Variants in CFHR5 observed in about 807,000 individuals in gnomAD.
CFHR5 encodes complement factor H related 5.
In CFHR5, 73 loss-of-function variants were observed where a neutral mutation model predicts 62.9. The ratio of observed to expected loss-of-function variants is 1.16; its 90% CI spans 0.96 to 1.41. CFHR5 has a LOEUF of 1.41. CFHR5 is among the 40% of genes most tolerant of loss of function. The pLI is 0.00. For missense variants in CFHR5, 779 were observed against 679.9 expected, an observed-to-expected ratio of 1.15 and a Z score of -1.62; for synonymous variants, 249 against 227.2, an observed-to-expected ratio of 1.10 and a Z score of -0.86.
chr1:196,977,682 T>C lies in CFHR5; in HGVS notation c.18T>C (p.Ser6=), dbSNP rs772813940. The change falls in exon 1 of 10, where the codon AGT becomes AGC. Residue 6 remains serine (S), a synonymous_variant. Transcript: ENST00000256785. MLLLF[S]VILISWVSTV... is the part of the protein sequence containing the mutation. ...TACCAAGCATGTTGCTCTTATTCAG[T>C]GTAATCCTAATCTCATGGGTATCCA... The C allele has an allele frequency of 1.9e-6, 3 of 1,613,148 alleles. No individual in the cohort carries two copies. The highest frequency in any genetic ancestry group is 2.5e-6 in the Non-Finnish European group (3 of 1,179,218).
At chr1:196,997,968 T>C (rs1654037943) in intron 6 of CFHR5, among the ~76,000 whole-genome samples, 160 bp from the exon 7 acceptor site, 1 of 152,170 alleles carries the variant, frequency 6.6e-6, no homozygotes, top group Non-Finnish European at 1.5e-5. Context: ...TTTTTTGTTT[T>C]ATTTTTTCTT....
chr1:196,986,124 T>G (rs1653674675), intron 3 of CFHR5, among the ~76,000 whole-genome samples: 1 of 152,092 alleles, frequency 6.6e-6, no homozygotes, highest in South Asian at 2.1e-4. Context: ...GTGCCTAAGG[T>G]TGAATGGTAG....
intron 3 of CFHR5, among the ~76,000 whole-genome samples, chr1:196,990,859 C>G (rs1042616621): frequency 6.6e-6 from 1 of 151,896 alleles, no homozygotes; most frequent in Non-Finnish European, 1.5e-5. Flanking sequence ...CTGCTCTTCT[C>G]GAGGAGTATT....
At chr1:196,989,931 C>A (rs1653797714) in intron 3 of CFHR5, among the ~76,000 whole-genome samples, 1 of 152,012 alleles carries the variant, frequency 6.6e-6, no homozygotes, top group Non-Finnish European at 1.5e-5. Context: ...ACCTTGTTAA[C>A]CTTTTGTCTC....
intron 9 of CFHR5, among the ~76,000 whole-genome samples, chr1:197,008,073 A>G (rs985982763): frequency 1.3e-5 from 2 of 149,726 alleles, no homozygotes; most frequent in East Asian, 1.9e-4. Flanking sequence ...AGAAGATAAC[A>G]TTGTTTTTTC....
intron 9 of CFHR5, among the ~76,000 whole-genome samples, chr1:197,005,903 T>A (rs1654276018): frequency 6.6e-6 from 1 of 152,184 alleles, no homozygotes; most frequent in South Asian, 2.1e-4. Context: ...TCTCCCAGGA[T>A]ATCATTAAAA....
chr1:196,996,630 T>C (rs997169270), intron 6 of CFHR5, among the ~76,000 whole-genome samples: 1 of 152,178 alleles, frequency 6.6e-6, no homozygotes, highest in African/African-American at 2.4e-5. Context: ...TTCATTGCTT[T>C]AACTTAGTCT....
intron 1 of CFHR5, among the ~76,000 whole-genome samples, chr1:196,981,334 C>T (rs952631886): frequency 6.6e-6 from 1 of 151,708 alleles, no homozygotes; most frequent in African/African-American, 2.4e-5. Context: ...CAAGAGTAAA[C>T]CCTAATGTAA....
intron 4 of CFHR5, among the ~76,000 whole-genome samples, chr1:196,994,656 C>T (rs1653941388): frequency 6.6e-6 from 1 of 152,082 alleles, no homozygotes; most frequent in Admixed American, 6.6e-5. Flanking sequence ...TGATTTATAC[C>T]TGCTTCAGAT....
rs1479876869 is a variant in CFHR5, at chr1:196,982,925, G to A, written c.99G>A (p.Leu33=). 2 of 1,614,032 alleles carry A rather than the reference G, an allele frequency of 1.2e-6. No individual in the cohort carries two copies. Among genetic ancestry groups the A allele is most frequent in the Non-Finnish European group, 1.7e-6 (2 of 1,179,976 alleles). Residue 33 remains leucine (L), a synonymous_variant, in exon 2 of 10, where the codon CTG becomes CTA. Coordinates refer to ENST00000256785, the MANE Select transcript of CFHR5 (RefSeq NM_030787.4). Reference sequence around the variant, plus strand: ...TTCCAAAAATACACCATGGATTTCTGTATGATGAAGAAGATTATAACCCTT... The same window carrying A: ...TTCCAAAAATACACCATGGATTTCTATATGATGAAGAAGATTATAACCCTT... The part of the protein sequence containing the change: ...CDFPKIHHGF[L]YDEEDYNPFS...
chr1:196,982,798 C>T, intron 1 of CFHR5, 87 bp from the exon 2 acceptor site: 1 of 1,296,332 alleles, frequency 7.7e-7, no homozygotes, highest in African/African-American at 1.5e-5. Context: ...AAAAACAAAA[C>T]TATAAATGAG....
intron 3 of CFHR5, among the ~76,000 whole-genome samples, chr1:196,986,359 G>A (rs1046056518): frequency 1.3e-5 from 2 of 151,382 alleles, no homozygotes; most frequent in Admixed American, 6.6e-5. Context: ...GGCCAAGATC[G>A]ATTATTTTCT....
rs945497519 is a variant in CFHR5 at position 196,984,262 on chromosome 1, G to A, written c.430+125G>A. Reference sequence around the variant, plus strand: ...TTCTATCATTATTTATTTGATTTTCGGTTCCAATTGTGTCTAAGTAGATGT... The same window carrying A: ...TTCTATCATTATTTATTTGATTTTCAGTTCCAATTGTGTCTAAGTAGATGT... On this transcript the variant is annotated intron_variant, in intron 3 of 9. Transcript: ENST00000256785. 1.9e-5 allele frequency: 16 copies of A among 862,874 alleles called. 1 individual carries two copies. Among genetic ancestry groups the A allele is most frequent in the Admixed American group, 1.5e-4 (7 of 46,080 alleles). 53.5% of individuals were successfully genotyped at this position (862,874 alleles called of 1,614,324 possible).
chr1:196,991,297 G>A (rs566666551), intron 3 of CFHR5, among the ~76,000 whole-genome samples: 17 of 152,010 alleles, frequency 1.1e-4, no homozygotes, highest in East Asian at 3.9e-4. Context: ...GCTTCCTTGC[G>A]ATGGGTTCAA....
chr1:196,996,088 C>G lies in CFHR5; in HGVS notation c.857C>G (p.Pro286Arg), dbSNP rs1447070624. 1 of 1,613,526 alleles carries G rather than the reference C, an allele frequency of 6.2e-7. No individual in the cohort carries two copies. Among genetic ancestry groups the G allele is most frequent in the African/African-American group, 1.3e-5 (1 of 74,860 alleles). Residue 286 changes from proline (P) to arginine (R), a missense_variant, in exon 6 of 10, where the codon CCC becomes CGC. By Grantham distance (103) the Pro-to-Arg change is moderately radical. Coordinates refer to ENST00000256785, the MANE Select transcript of CFHR5 (RefSeq NM_030787.4). The part of the protein sequence containing the change: ...EYGYVQPSVP[P>R]YQHGVSVEVN... ...GGTTATGTTCAGCCGTCTGTCCCTC[C>G]CTATCAACATGGAGTTTCAGTCGAG...
chr1:196,985,712 G>A (rs1336391301), intron 3 of CFHR5, among the ~76,000 whole-genome samples: 2 of 152,124 alleles, frequency 1.3e-5, no homozygotes, highest in Admixed American at 6.5e-5. Flanking sequence ...TTTGGCCAGC[G>A]TAACCCATAC....
At chr1:197,005,905 T>C (rs1654276120) in intron 9 of CFHR5, among the ~76,000 whole-genome samples, 1 of 152,164 alleles carries the variant, frequency 6.6e-6, no homozygotes, top group Non-Finnish European at 1.5e-5. Context: ...TCCCAGGATA[T>C]CATTAAAATT....
chr1:196,981,147 C>A (rs1653531623), intron 1 of CFHR5, among the ~76,000 whole-genome samples: 2 of 152,106 alleles, frequency 1.3e-5, no homozygotes, highest in South Asian at 4.2e-4. Context: ...GATTTGTCAG[C>A]TGAATTTCTG....
At chr1:196,992,608 G>A (rs532579148) in intron 3 of CFHR5, among the ~76,000 whole-genome samples, 5 of 152,240 alleles carry the variant, frequency 3.3e-5, no homozygotes, top group East Asian at 1.9e-4. Flanking sequence ...CTTCTGCATC[G>A]ATCACGCTGG....
Sources: allele counts gnomAD v4.1 joint callset (sites outside exome capture counted in the v4.1 genomes callset), GRCh38; gene constraint gnomAD v4.1.1; transcripts MANE v1.5; gene names NCBI Gene and HGNC (gene_info 2026-07-23, HGNC 2026-07-21).